The following USH2A variants were observed in gnomAD, a reference collection of about 807,000 sequenced individuals.
USH2A encodes the protein Usher syndrome 2A (autosomal recessive, mild).
USH2A carries 443 observed loss-of-function variants against 538.9 expected under a neutral mutation model. The ratio of observed to expected loss-of-function variants is 0.82; its 90% CI spans 0.76 to 0.89. The LOEUF is 0.89. USH2A is among the 40% of genes least tolerant of loss of function. The probability of loss-of-function intolerance (pLI) is 0.00; values close to 1 mark genes in which losing one functional copy is unlikely to be tolerated. For synonymous variants in USH2A, 2,413 were observed against 2,273.5 expected (o/e 1.06, Z -1.75); for missense variants, 6,633 against 6,324.8 (o/e 1.05, Z -1.65).
chr1:216,363,327 A>C (rs2038532209), intron 4 of USH2A, among the ~76,000 whole-genome samples: 1 of 152,162 alleles, frequency 6.6e-6, no homozygotes, highest in African/African-American at 2.4e-5. Context: ...TGATCCTTAC[A>C]TTGGCCCTAT....
rs183923152 is a variant in USH2A at position 215,971,279 on chromosome 1, G to T, written c.6806-503C>A. Among the ~76,000 whole-genome samples, 355 of 152,196 alleles carry T rather than the reference G, an allele frequency of 2.3e-3. 2 individuals are homozygous for T. The highest frequency in any genetic ancestry group is 4.3e-3 in the Non-Finnish European group (290 of 68,014). ...TTCCTATAACAGGCAAAGAGAAAAG[G>T]TATCATATTGGAGGAGAAACTGGCT... On this transcript the variant is annotated intron_variant, in intron 35 of 71. Transcript: ENST00000307340.
In USH2A at chr1:215,839,874, T is replaced by G. The variant is rs768852632; in HGVS notation, c.9259-1771A>C. 5.9e-5 allele frequency among the ~76,000 whole-genome samples: 9 copies of G among 152,194 alleles called. No homozygotes were observed. In the South Asian group the frequency reaches 1.2e-3, roughly 21 times the overall value. On this transcript the variant is annotated intron_variant, in intron 46 of 71. Coordinates refer to ENST00000307340, the MANE Select transcript of USH2A (RefSeq NM_206933.4). ...AAGGGATTATTCAAAAAGTAGATACTTGGCTAGGTGCAGTGGCTTACACCT... is the reference window on the plus strand; with the variant it reads ...AAGGGATTATTCAAAAAGTAGATACGTGGCTAGGTGCAGTGGCTTACACCT...
intron 26 of USH2A, among the ~76,000 whole-genome samples, chr1:216,082,766 T>A (rs548786935): frequency 6.6e-6 from 1 of 152,042 alleles, no homozygotes; most frequent in South Asian, 2.1e-4. Context: ...AACCAATACA[T>A]CATTGGTAAG....
At chr1:216,077,310 T>C (rs1393211468) in intron 27 of USH2A, among the ~76,000 whole-genome samples, 2 of 152,052 alleles carry the variant, frequency 1.3e-5, no homozygotes, top group African/African-American at 2.4e-5. Context: ...TCTCTTATAG[T>C]TATTAATAAT....
chr1:215,691,050 A>T (rs1658587104), intron 61 of USH2A, among the ~76,000 whole-genome samples: 1 of 152,044 alleles, frequency 6.6e-6, no homozygotes, highest in Admixed American at 6.6e-5. Flanking sequence ...GGCCAGGCTA[A>T]TTTATGTATT....
intron 56 of USH2A, among the ~76,000 whole-genome samples, chr1:215,765,399 A>G (rs1364726422): frequency 6.6e-6 from 1 of 152,090 alleles, no homozygotes; most frequent in East Asian, 1.9e-4. Context: ...TTCCCCATTT[A>G]CTGGTAGGAA....
chr1:216,053,697 C>T (rs993865569), intron 30 of USH2A, among the ~76,000 whole-genome samples: 9 of 151,984 alleles, frequency 5.9e-5, no homozygotes, highest in Non-Finnish European at 8.8e-5. Context: ...CGTGGGTATC[C>T]GGATTAAAAT....
intron 56 of USH2A, among the ~76,000 whole-genome samples, chr1:215,765,560 A>G (rs1661104068): frequency 6.6e-6 from 1 of 152,172 alleles, no homozygotes; most frequent in Non-Finnish European, 1.5e-5. Context: ...ATAGGCAGAT[A>G]ATGAAGATTA....
intron 21 of USH2A, 90 bp from the exon 22 acceptor site, chr1:216,097,303 A>G: frequency 1.2e-6 from 2 of 1,605,418 alleles, no homozygotes; most frequent in East Asian, 2.2e-5. Flanking sequence ...ATTATTTATG[A>G]TGTAGTGAGT....
rs1279286847 is a variant in USH2A, at chr1:215,888,690, C to T, written c.7959G>A (p.Leu2653=). ...TTCTCTCAATTGTGAAATTCTCCACCAAGCCATTGGGGTGGGTAGGGGGTT... is the reference window on the plus strand; with the variant it reads ...TTCTCTCAATTGTGAAATTCTCCACTAAGCCATTGGGGTGGGTAGGGGGTT... ...SWQPPTHPNG[L]VENFTIERRV... is the part of the protein sequence containing the mutation. The change falls in exon 41 of 72, where the codon TTG becomes TTA. Residue 2653 remains leucine (L), a synonymous_variant. Coordinates refer to ENST00000307340, the MANE Select transcript of USH2A (RefSeq NM_206933.4). 1 of 1,614,140 alleles carries T rather than the reference C, an allele frequency of 6.2e-7. No individual in the cohort carries two copies. The highest frequency in any genetic ancestry group is 1.1e-5 in the South Asian group (1 of 91,080).
At chr1:216,396,868 C>G (rs949077258) in intron 3 of USH2A, among the ~76,000 whole-genome samples, 2 of 152,184 alleles carry the variant, frequency 1.3e-5, no homozygotes, top group Non-Finnish European at 2.9e-5. Context: ...AAAAAAAGTA[C>G]AAATTGTATT....
intron 52 of USH2A, 113 bp downstream of exon 52, chr1:215,786,557 A>T: frequency 8.7e-7 from 1 of 1,145,674 alleles, no homozygotes; most frequent in Non-Finnish European, 1.3e-6. Context: ...GTATGATGGA[A>T]TGTACTGATA....
At chr1:216,344,630 T>C (rs374731749) in intron 4 of USH2A, among the ~76,000 whole-genome samples, 11 of 152,086 alleles carry the variant, frequency 7.2e-5, no homozygotes, top group African/African-American at 2.7e-4. Context: ...TCAGCACTTA[T>C]TGGCTGACTC....
intron 37 of USH2A, among the ~76,000 whole-genome samples, chr1:215,936,108 A>G (rs1666488596): frequency 2.6e-5 from 4 of 152,032 alleles, no homozygotes; most frequent in Admixed American, 2.6e-4. Context: ...TTTTTATTAT[A>G]TGTACATTCA....
intron 37 of USH2A, among the ~76,000 whole-genome samples, chr1:215,947,950 A>C (rs1666799650): frequency 1.3e-5 from 2 of 152,298 alleles, no homozygotes; most frequent in African/African-American, 4.8e-5. Context: ...AAAGATAATA[A>C]GAAAATCTAT....
At position 215,888,473 on chromosome 1, in the gene USH2A, C is replaced by T. The variant is rs1048653046; in HGVS notation, c.8176G>A (p.Gly2726Arg). 17 of 1,613,780 alleles carry T rather than the reference C, an allele frequency of 1.1e-5. No homozygotes were observed. In the African/African-American group the frequency reaches 2.0e-4, roughly 19 times the overall value. Residue 2726 changes from glycine to arginine, a missense_variant, in exon 41 of 72, where the codon GGG becomes AGG. Physicochemically the swap from Gly to Arg is moderately radical, Grantham distance 125. Transcript: ENST00000307340. ...EVTTRPSRPA[G>R]VQPPVVTVLE... is the part of the protein sequence containing the mutation. The stretch of plus-strand genomic sequence containing the variant: ...ACTGTCACCACAGGTGGCTGCACCC[C>T]AGCAGGTCGTGAGGGTCTTGTGGTA...
intron 11 of USH2A, among the ~76,000 whole-genome samples, chr1:216,253,893 A>T (rs917874128): frequency 2.6e-5 from 4 of 152,070 alleles, no homozygotes; most frequent in African/African-American, 9.7e-5. Flanking sequence ...ACCATCTTGC[A>T]CTCCAATTAT....
chr1:216,266,638 G>C (rs1571639187), intron 11 of USH2A, among the ~76,000 whole-genome samples: 1 of 152,030 alleles, frequency 6.6e-6, no homozygotes, highest in Non-Finnish European at 1.5e-5. Context: ...AGGATGTAGA[G>C]GTATATGAAA....
chr1:215,818,434 A>G (rs1417941691), intron 47 of USH2A, among the ~76,000 whole-genome samples: 1 of 151,630 alleles, frequency 6.6e-6, no homozygotes, highest in African/African-American at 2.4e-5. Flanking sequence ...TTTAACTAGC[A>G]TGGTCTGAAA....
Sources: gnomAD v4.1 joint callset for allele counts (sites outside exome capture counted in the v4.1 genomes callset) on GRCh38, gnomAD v4.1.1 for gene constraint, MANE v1.5 for transcripts, NCBI Gene and HGNC (gene_info 2026-07-23, HGNC 2026-07-21) for gene names.